METAP1D: variants seen among roughly 807,000 people sequenced by gnomAD.
The protein encoded by METAP1D is methionine aminopeptidase 1D, mitochondrial.
In METAP1D, 31 loss-of-function variants were observed where a neutral mutation model predicts 40.5. The ratio of observed to expected loss-of-function variants is 0.77; its 90% CI spans 0.58 to 1.03. The LOEUF (loss-of-function observed/expected upper bound fraction) is 1.03, where lower values mean the gene tolerates loss of function less well. METAP1D is among the 50% of genes least tolerant of loss of function. The probability of loss-of-function intolerance (pLI) is 0.00; values close to 1 mark genes in which losing one functional copy is unlikely to be tolerated. For synonymous variants in METAP1D, 151 were observed against 146.4 expected, an observed-to-expected ratio of 1.03 and a Z score of -0.22; for missense variants, 411 against 420.7, an observed-to-expected ratio of 0.98 and a Z score of 0.20.
chr2:172,030,985 CTCA>C (rs1192675572), intron 1 of METAP1D, among the ~76,000 whole-genome samples: 9 of 152,058 alleles, frequency 5.9e-5, no homozygotes, highest in Non-Finnish European at 8.8e-5. Context: ...TTCTCAAGTA[CTCA>C]TCATTTTTAA....
intron 1 of METAP1D, among the ~76,000 whole-genome samples, chr2:172,053,515 A>G (rs1056230789): frequency 4.6e-5 from 7 of 152,076 alleles, no homozygotes; most frequent in Non-Finnish European, 1.0e-4. Context: ...TTAGCAAAAC[A>G]TTGTTGTTTT....
At position 172,034,728 on chromosome 2, in the gene METAP1D, A is replaced by G. The variant is rs530040570; in HGVS notation, c.41-26770A>G. Among the ~76,000 whole-genome samples, 10 of 152,250 alleles carry G rather than the reference A, an allele frequency of 6.6e-5. No homozygotes were observed. In the South Asian group the frequency reaches 1.2e-3, roughly 19 times the overall value. ...TATGTATCCAACAAGGGTTTTATCA[A>G]TTAGTTTGTAGTAATAGAGTAATTA... is the stretch of plus-strand genomic sequence containing the variant. On this transcript the variant is annotated intron_variant, in intron 1 of 9. Coordinates refer to ENST00000315796, the MANE Select transcript of METAP1D (RefSeq NM_199227.3).
At chr2:172,049,087 C>T (rs555317298) in intron 1 of METAP1D, among the ~76,000 whole-genome samples, 165 of 152,276 alleles carry the variant, frequency 1.1e-3, no homozygotes, top group Non-Finnish European at 1.8e-3. Flanking sequence ...TGGGCTCAAA[C>T]GGTCTTCCCA....
intron 1 of METAP1D, among the ~76,000 whole-genome samples, chr2:172,042,261 A>G (rs372758160): frequency 0.036 from 138 of 3,862 alleles, 1 homozygote; most frequent in East Asian, 0.21. Context: ...GTGTACACAT[A>G]TACATATATA....
chr2:172,014,768 T>TCAGCCTCC (rs1266146389), intron 1 of METAP1D, among the ~76,000 whole-genome samples: 2 of 152,152 alleles, frequency 1.3e-5, no homozygotes, highest in Non-Finnish European at 2.9e-5. Context: ...TTCTCCTGCC[T>TCAGCCTCC]CAGCCTCCCG....
Position 172,077,956 on chromosome 2 carries a change from C to A in METAP1D, c.802+62C>A. ...AGATCAAGATGTGGCAGCTTTGACC[C>A]TGAAGCTCTTCCTCTGACTTTGAAT... On this transcript the variant is annotated intron_variant, in intron 7 of 9. Coordinates refer to ENST00000315796, the MANE Select transcript of METAP1D (RefSeq NM_199227.3). 7 of 897,836 alleles carry A rather than the reference C, an allele frequency of 7.8e-6. No individual in the cohort carries two copies. In the South Asian group the frequency reaches 1.0e-4, roughly 13 times the overall value. 55.6% of individuals were successfully genotyped at this position (897,836 alleles called of 1,614,324 possible).
intron 1 of METAP1D, among the ~76,000 whole-genome samples, chr2:172,007,690 G>C (rs937565562): frequency 6.6e-6 from 1 of 151,988 alleles, no homozygotes; most frequent in African/African-American, 2.4e-5. Flanking sequence ...GGATGGAAAA[G>C]GATATTAATT....
At chr2:172,076,120 T>G (rs569894285) in intron 6 of METAP1D, among the ~76,000 whole-genome samples, 20 of 152,146 alleles carry the variant, frequency 1.3e-4, no homozygotes, top group African/African-American at 4.8e-4. Flanking sequence ...AAATGAAGAT[T>G]GCCATTGTAA....
rs892620958 is a variant in METAP1D at position 172,080,406 on chromosome 2, A to T, written c.1008A>T (p.Ter336CysextTer8). 6.2e-7 allele frequency: 1 copy of T among 1,613,878 alleles called. No homozygotes were observed. Among genetic ancestry groups the T allele is most frequent in the African/African-American group, 1.3e-5 (1 of 74,926 alleles). ...TGACCAAACTACCCCATGAGGCCTG[A>T]GGAGCCGCCCGAAGGTCGCGGTGAC... is the stretch of plus-strand genomic sequence containing the variant. ...QILTKLPHEA[*>C] The change falls in exon 10 of 10, where the codon TGA becomes TGT. Residue 336 changes from the stop codon to cysteine (C), a stop_lost. Coordinates refer to ENST00000315796, the MANE Select transcript of METAP1D (RefSeq NM_199227.3).
intron 1 of METAP1D, among the ~76,000 whole-genome samples, chr2:172,008,472 C>T (rs540592839): frequency 5.9e-5 from 9 of 152,264 alleles, no homozygotes; most frequent in South Asian, 2.1e-4. Context: ...CATAGTCCCC[C>T]GCTTATCCAA....
In METAP1D at chr2:172,081,357, G is replaced by T. The variant is rs183445565; in HGVS notation, c.*951G>T. ...CTTGCACGCTGCAGGAGCCGCAAAC[G>T]TCAGCTGTTCTGGAAACCGAGAGGG... On this transcript the variant is annotated 3_prime_UTR_variant, in exon 10 of 10. Coordinates refer to ENST00000315796, the MANE Select transcript of METAP1D (RefSeq NM_199227.3). The T allele has an allele frequency of 6.6e-6, 1 of 152,346 alleles. No individual in the cohort carries two copies. The highest frequency in any genetic ancestry group is 1.5e-5 in the Non-Finnish European group (1 of 68,142). 9.4% of individuals were successfully genotyped at this position (152,346 alleles called of 1,614,324 possible). A position where few individuals can be genotyped will look rare whatever the true frequency, so the allele number is the denominator to read the frequency against.
intron 1 of METAP1D, among the ~76,000 whole-genome samples, chr2:172,009,991 C>G (rs1038049649): frequency 6.6e-6 from 1 of 152,018 alleles, no homozygotes; most frequent in Admixed American, 6.6e-5. Flanking sequence ...AAAAGAGTCT[C>G]TAAGATGAAA....
In METAP1D at chr2:172,018,813, A is replaced by G. The variant is rs553926584; in HGVS notation, c.40+18804A>G. Among the ~76,000 whole-genome samples the G allele has an allele frequency of 2.6e-5, 4 of 151,790 alleles. No homozygotes were observed. In the East Asian group the frequency reaches 5.9e-4, roughly 22 times the overall value. On this transcript the variant is annotated intron_variant, in intron 1 of 9. Coordinates refer to ENST00000315796, the MANE Select transcript of METAP1D (RefSeq NM_199227.3). The stretch of plus-strand genomic sequence containing the variant: ...CCTATTTATCTTCCAGAATGTAGGT[A>G]AATTTCACCAATTTCTCCACTAAAA...
At chr2:172,060,078 C>CA (rs1183924840) in intron 1 of METAP1D, among the ~76,000 whole-genome samples, 2 of 151,112 alleles carry the variant, frequency 1.3e-5, no homozygotes, top group African/African-American at 4.9e-5. Context: ...AAACAAAAAA[C>CA]AAAAAAAAGA....
Position 172,071,086 on chromosome 2 carries a change from A to T in METAP1D, c.704+16A>T. 2 of 1,590,998 alleles carry T rather than the reference A, an allele frequency of 1.3e-6. No individual in the cohort carries two copies. Among genetic ancestry groups the T allele is most frequent in the Middle Eastern group, 1.7e-4 (1 of 5,966 alleles). ...ACACAATCAGGTAAGCCTTACATTGACAAGTAAAGGGAGGGTTGGCAAATG... is the reference window on the plus strand; with the variant it reads ...ACACAATCAGGTAAGCCTTACATTGTCAAGTAAAGGGAGGGTTGGCAAATG... On this transcript the variant is annotated intron_variant, in intron 6 of 9. Transcript: ENST00000315796.
chr2:172,077,689 TACTG>T (rs1690580166), intron 6 of METAP1D, 104 bp from the exon 7 acceptor site: 1 of 565,846 alleles, frequency 1.8e-6, no homozygotes, highest in Non-Finnish European at 3.1e-6. Context: ...CTCTAAATAT[TACTG>T]ACTTTTTCTT....
chr2:172,020,147 C>T (rs914131884), intron 1 of METAP1D, among the ~76,000 whole-genome samples: 6 of 152,216 alleles, frequency 3.9e-5, no homozygotes, highest in South Asian at 2.1e-4. Flanking sequence ...CCATCATGCC[C>T]GGCTAATTTT....
intron 5 of METAP1D, among the ~76,000 whole-genome samples, chr2:172,067,978 G>A (rs911067113): frequency 2.6e-5 from 4 of 152,150 alleles, no homozygotes; most frequent in Non-Finnish European, 4.4e-5. Context: ...AATTATTGAC[G>A]TCTAGTATAC....
chr2:172,078,295 C>T (rs964108404), intron 7 of METAP1D, among the ~76,000 whole-genome samples: 1 of 152,174 alleles, frequency 6.6e-6, no homozygotes, highest in Non-Finnish European at 1.5e-5. Context: ...TGTGGTTAAA[C>T]TTCATTACAT....
Sources: gnomAD v4.1 joint callset for allele counts (sites outside exome capture counted in the v4.1 genomes callset) on GRCh38, gnomAD v4.1.1 for gene constraint, MANE v1.5 for transcripts, NCBI Gene and HGNC (gene_info 2026-07-23, HGNC 2026-07-21) for gene names.